Variants in ITPK1 observed in about 807,000 individuals in gnomAD.
ITPK1 encodes the protein inositol 1,3,4-trisphosphate 5/6-kinase.
In ITPK1, 21 loss-of-function variants were observed where a neutral mutation model predicts 45.3. That is an observed-to-expected ratio of 0.46 (90% CI 0.33 to 0.67). ITPK1 has a LOEUF of 0.67. Among genes scored for constraint, ITPK1 ranks in the 30% least tolerant of loss-of-function variants. ITPK1 has a pLI of 0.02. For synonymous variants in ITPK1, 258 were observed against 253.6 expected (o/e 1.02, Z -0.16); for missense variants, 474 against 573.5 (o/e 0.83, Z 1.77).
rs114499444 is a variant in ITPK1, at chr14:92,947,900, G to A, written c.739-1407C>T. 7.4e-3 allele frequency among the ~76,000 whole-genome samples: 1,121 copies of A among 152,290 alleles called. 12 individuals carry two copies. Among genetic ancestry groups the A allele is most frequent in the African/African-American group, 0.025 (1,058 of 41,546 alleles). On this transcript the variant is annotated intron_variant, in intron 9 of 10. Transcript: ENST00000267615. ...CAGAGCTGAGAACGTGTACTCAAACGGATGCTGTCCACCCACGCTCACCGT... is the reference window on the plus strand; with the variant it reads ...CAGAGCTGAGAACGTGTACTCAAACAGATGCTGTCCACCCACGCTCACCGT...
chr14:93,029,701 T>C (rs541051342), intron 3 of ITPK1, among the ~76,000 whole-genome samples: 2 of 152,260 alleles, frequency 1.3e-5, no homozygotes, highest in South Asian at 4.1e-4. Context: ...CCTTGGTCAC[T>C]GGCACGGCTT....
intron 2 of ITPK1, among the ~76,000 whole-genome samples, chr14:93,113,660 G>A (rs1161485182): frequency 2.0e-5 from 3 of 152,082 alleles, no homozygotes; most frequent in African/African-American, 2.4e-5. Flanking sequence ...ATGTTCCAAG[G>A]GTCCTAAGAC....
At chr14:93,100,558 C>G (rs371741481) in intron 2 of ITPK1, among the ~76,000 whole-genome samples, 27 of 142,896 alleles carry the variant, frequency 1.9e-4, no homozygotes, top group East Asian at 1.8e-3. Flanking sequence ...GAGAGAGAGA[C>G]AGAGAGAGAG....
At chr14:92,969,040 G>A (rs911916297) in intron 5 of ITPK1, among the ~76,000 whole-genome samples, 4 of 152,138 alleles carry the variant, frequency 2.6e-5, no homozygotes, top group East Asian at 1.9e-4. Flanking sequence ...TGTCTGCACC[G>A]CTTGAGTCAG....
chr14:93,007,394 TC>T, intron 4 of ITPK1, among the ~76,000 whole-genome samples: 5 of 149,172 alleles, frequency 3.4e-5, no homozygotes, highest in Admixed American at 3.3e-4. Context: ...GACTTTCAGT[TC>T]CCAGAATAAG....
rs1320987553 is a variant in ITPK1 at position 92,962,855 on chromosome 14, G to A, written c.365-6C>T. On this transcript the variant is annotated splice_region_variant and splice_polypyrimidine_tract_variant and intron_variant, in intron 5 of 10. Coordinates refer to ENST00000267615, the MANE Select transcript of ITPK1 (RefSeq NM_014216.6). ...TGGCGAGCAGATCCTGTCGTCTAGG[G>A]CAGAAGGGAGGCCTGGTCAGCACAG... 6.2e-7 allele frequency: 1 copy of A among 1,604,596 alleles called. No homozygotes were observed. The highest frequency in any genetic ancestry group is 1.7e-5 in the Admixed American group (1 of 59,772).
chr14:93,092,871 G>A (rs1210977657), intron 2 of ITPK1, among the ~76,000 whole-genome samples: 1 of 152,162 alleles, frequency 6.6e-6, no homozygotes, highest in Non-Finnish European at 1.5e-5. Context: ...AGGGGGCTGG[G>A]CTGAAGAGCG....
At chr14:93,072,377 A>T (rs1169925790) in intron 3 of ITPK1, among the ~76,000 whole-genome samples, 1 of 151,998 alleles carries the variant, frequency 6.6e-6, no homozygotes. Context: ...AATGAATGGG[A>T]ATTTTTTGAA....
At chr14:92,943,920 G>C (rs1299518663) in intron 10 of ITPK1, among the ~76,000 whole-genome samples, 1 of 152,226 alleles carries the variant, frequency 6.6e-6, no homozygotes, top group East Asian at 1.9e-4. Flanking sequence ...GAGCTGAGAG[G>C]TGGAAAGGCT....
At chr14:93,115,669 C>T (rs904552327) in intron 1 of ITPK1, 103 bp downstream of exon 1, 3 of 149,348 alleles carry the variant, frequency 2.0e-5, no homozygotes, top group African/African-American at 7.3e-5. Flanking sequence ...TCCTCCCGCC[C>T]GGGTCCTCGC....
At chr14:93,094,919 G>T (rs916155659) in intron 2 of ITPK1, among the ~76,000 whole-genome samples, 1 of 152,206 alleles carries the variant, frequency 6.6e-6, no homozygotes, top group Non-Finnish European at 1.5e-5. Context: ...GCACAGGCTT[G>T]CCCGCTTTCT....
At chr14:93,045,989 C>T (rs551105100) in intron 3 of ITPK1, among the ~76,000 whole-genome samples, 24 of 152,342 alleles carry the variant, frequency 1.6e-4, no homozygotes, top group African/African-American at 4.1e-4. Context: ...ACTGCTCTGG[C>T]GGGACGGGTC....
rs912805438 is a variant in ITPK1 at position 93,063,051 on chromosome 14, C to T, written c.120+13544G>A. Among the ~76,000 whole-genome samples the T allele has an allele frequency of 2.0e-4, 31 of 152,274 alleles. No homozygotes were observed. The highest frequency in any genetic ancestry group is 1.1e-3 in the Admixed American group (17 of 15,302). On this transcript the variant is annotated intron_variant, in intron 3 of 10. Transcript: ENST00000267615. The surrounding 1 kb of genome is among the most constrained non-coding windows in gnomAD (Gnocchi z 4.3). ...AGATTTAACAAGTTCAGTAAATGTGCGCCCCCACCCCACCCCCATCTCCCA... is the reference window on the plus strand; with the variant it reads ...AGATTTAACAAGTTCAGTAAATGTGTGCCCCCACCCCACCCCCATCTCCCA...
intron 2 of ITPK1, among the ~76,000 whole-genome samples, chr14:93,109,917 G>A (rs1471903831): frequency 6.6e-6 from 1 of 152,176 alleles, no homozygotes; most frequent in Non-Finnish European, 1.5e-5. Context: ...AGGCATCCAT[G>A]GGCAGAGACC....
intron 3 of ITPK1, among the ~76,000 whole-genome samples, chr14:93,017,435 A>G (rs2139858060): frequency 6.6e-6 from 1 of 152,358 alleles, no homozygotes; most frequent in Non-Finnish European, 1.5e-5. Flanking sequence ...CTCTCCTGCT[A>G]TGCCAGGGAA....
In ITPK1 at chr14:93,063,002, G is replaced by A. The variant is rs543502334; in HGVS notation, c.120+13593C>T. Among the ~76,000 whole-genome samples, 5 of 152,292 alleles carry A rather than the reference G, an allele frequency of 3.3e-5. No individual in the cohort carries two copies. In the East Asian group the frequency reaches 9.6e-4, roughly 29 times the overall value. ...CAGGCCCCAAAGCCCTGGCTTAAGG[G>A]AGGGCCAGGCCTGGCATTTGTCAAG... On this transcript the variant is annotated intron_variant, in intron 3 of 10. Transcript: ENST00000267615. The surrounding 1 kb of genome is among the most constrained non-coding windows in gnomAD (Gnocchi z 4.3).
At chr14:92,956,927 C>A (rs1041668963) in intron 8 of ITPK1, among the ~76,000 whole-genome samples, 1 of 152,150 alleles carries the variant, frequency 6.6e-6, no homozygotes, top group African/African-American at 2.4e-5. Flanking sequence ...TGTCCCAAAC[C>A]CTGAAAATAC....
chr14:93,114,427 T>A (rs8008447), intron 2 of ITPK1, among the ~76,000 whole-genome samples: 2 of 152,094 alleles, frequency 1.3e-5, no homozygotes, highest in Admixed American at 6.5e-5. Flanking sequence ...GACCCCAAGC[T>A]AGGTACCCCG....
intron 3 of ITPK1, among the ~76,000 whole-genome samples, chr14:93,065,378 T>C (rs1386793785): frequency 1.3e-5 from 2 of 152,190 alleles, no homozygotes; most frequent in Non-Finnish European, 2.9e-5. Context: ...AGGATGACAA[T>C]GATGGTGGTG....
Sources: allele counts gnomAD v4.1 joint callset (sites outside exome capture counted in the v4.1 genomes callset), GRCh38; gene constraint gnomAD v4.1.1; non-coding constraint Gnocchi (gnomAD v3.1); transcripts MANE v1.5; gene names NCBI Gene and HGNC (gene_info 2026-07-23, HGNC 2026-07-21).